ADAM10: variants seen among roughly 807,000 people sequenced by gnomAD.
The protein encoded by ADAM10 is disintegrin and metalloproteinase domain-containing protein 10.
In ADAM10, 17 loss-of-function variants were observed where a neutral mutation model predicts 90.1. That is an observed-to-expected ratio of 0.19 (90% CI 0.13 to 0.28). The LOEUF is 0.28. Ranked by LOEUF, ADAM10 falls within the 10% of genes least tolerant of loss-of-function variation. The pLI is 1.00. For missense variants in ADAM10, 610 were observed against 914.3 expected (o/e 0.67, Z 4.29); for synonymous variants, 310 against 298.6 (o/e 1.04, Z -0.40).
At position 58,633,117 on chromosome 15, in the gene ADAM10, G is replaced by A. The variant is rs1206254697; in HGVS notation, c.1176+79C>T. ...CACTCGTAAGTACATTTGTTTTCAC[G>A]GTGAATTTTAAATAAATCACTCAAC... On this transcript the variant is annotated intron_variant, in intron 9 of 15. Coordinates refer to ENST00000260408, the MANE Select transcript of ADAM10 (RefSeq NM_001110.4). 70 of 1,364,810 alleles carry A rather than the reference G, an allele frequency of 5.1e-5. No individual in the cohort carries two copies. In the Middle Eastern group the frequency reaches 7.3e-4, roughly 14 times the overall value. The allele number at this position is 1,364,810 out of a possible 1,614,324, so 84.5% of individuals were successfully genotyped here.
At chr15:58,725,401 G>A (rs1220035047) in intron 1 of ADAM10, among the ~76,000 whole-genome samples, 1 of 149,928 alleles carries the variant, frequency 6.7e-6, no homozygotes, top group Non-Finnish European at 1.5e-5. Flanking sequence ...AATTAGCCAG[G>A]AATACTTTTT....
intron 5 of ADAM10, among the ~76,000 whole-genome samples, chr15:58,647,248 A>AATTTTTTTTTTTTTTTT (rs1896571373): frequency 1.7e-5 from 1 of 59,602 alleles, no homozygotes; most frequent in Non-Finnish European, 3.6e-5. Flanking sequence ...GACACTAAGT[A>AATTTTTTTTTTTTTTTT]TTTTTTTTTT....
rs980026560 is a variant in ADAM10 at position 58,595,021 on chromosome 15, T to C, written c.*2526A>G. 6.6e-6 allele frequency: 1 copy of C among 152,130 alleles called. No individual in the cohort carries two copies. The highest frequency in any genetic ancestry group is 1.5e-5 in the Non-Finnish European group (1 of 67,990). 9.4% of individuals were successfully genotyped at this position (152,130 alleles called of 1,614,324 possible). A position where few individuals can be genotyped will look rare whatever the true frequency, so the allele number is the denominator to read the frequency against. On this transcript the variant is annotated 3_prime_UTR_variant, in exon 16 of 16. Coordinates refer to ENST00000260408, the MANE Select transcript of ADAM10 (RefSeq NM_001110.4). ...TTATTTGCTATGAAGAGAAAAATGA[T>C]GGCTCAAAATTTTAAACAAACTTAT... is the stretch of plus-strand genomic sequence containing the variant.
At chr15:58,680,594 T>C (rs902362657) in intron 3 of ADAM10, among the ~76,000 whole-genome samples, 1 of 152,174 alleles carries the variant, frequency 6.6e-6, no homozygotes, top group African/African-American at 2.4e-5. Context: ...TGGTTCTTAA[T>C]ATAATCACAA....
intron 11 of ADAM10, among the ~76,000 whole-genome samples, chr15:58,617,598 T>C (rs926203111): frequency 6.6e-5 from 10 of 152,060 alleles, no homozygotes; most frequent in African/African-American, 2.2e-4. Context: ...GACATCCAAA[T>C]TGGAAAGGAG....
At chr15:58,623,458 T>C (rs1305745639) in intron 10 of ADAM10, among the ~76,000 whole-genome samples, 1 of 152,184 alleles carries the variant, frequency 6.6e-6, no homozygotes, top group African/African-American at 2.4e-5. Context: ...TTTAAAATCT[T>C]GGAGGTCATC....
chr15:58,669,762 G>A (rs1361618349), intron 4 of ADAM10, among the ~76,000 whole-genome samples: 1 of 151,986 alleles, frequency 6.6e-6, no homozygotes, highest in African/African-American at 2.4e-5. Context: ...AACAAATCAT[G>A]GTATCCACAC....
At chr15:58,692,728 A>G (rs1897860357) in intron 2 of ADAM10, 1 of 574,762 alleles carries the variant, frequency 1.7e-6, no homozygotes, top group Non-Finnish European at 3.5e-6. Flanking sequence ...AGCAGAAGAT[A>G]CCCAGGAATA....
At chr15:58,632,120 C>T (rs7163733) in intron 9 of ADAM10, among the ~76,000 whole-genome samples, 29,749 of 152,006 alleles carry the variant, frequency 0.2, 3,334 homozygotes, top group East Asian at 0.4. Flanking sequence ...AAAATGTTAT[C>T]TTTAATAAGC....
intron 5 of ADAM10, among the ~76,000 whole-genome samples, chr15:58,647,641 T>G (rs1031921834): frequency 1.3e-5 from 2 of 152,110 alleles, no homozygotes; most frequent in African/African-American, 4.8e-5. Flanking sequence ...CTTAAACTCC[T>G]GGGCTCAAAC....
At chr15:58,619,425 C>A (rs1427600416) in intron 11 of ADAM10, among the ~76,000 whole-genome samples, 1 of 152,030 alleles carries the variant, frequency 6.6e-6, no homozygotes, top group Non-Finnish European at 1.5e-5. Flanking sequence ...AAAGTTACTA[C>A]AATTAGCAAT....
chr15:58,598,983 G>T (rs1277090410), intron 15 of ADAM10, among the ~76,000 whole-genome samples: 1 of 152,156 alleles, frequency 6.6e-6, no homozygotes, highest in African/African-American at 2.4e-5. Flanking sequence ...CACCCTGGGG[G>T]AAAATAAGCT....
intron 5 of ADAM10, among the ~76,000 whole-genome samples, chr15:58,663,525 T>C (rs74017264): frequency 0.051 from 7,711 of 152,256 alleles, 670 homozygotes; most frequent in African/African-American, 0.17. Flanking sequence ...CGTCTTTAAA[T>C]GGGCCCTACT....
At chr15:58,613,424 A>G (rs1418310868) in intron 11 of ADAM10, among the ~76,000 whole-genome samples, 1 of 152,184 alleles carries the variant, frequency 6.6e-6, no homozygotes, top group African/African-American at 2.4e-5. Flanking sequence ...TGACACCACC[A>G]AAGGAACATA....
At chr15:58,637,710 T>G (rs1341840048) in intron 8 of ADAM10, among the ~76,000 whole-genome samples, 1 of 151,152 alleles carries the variant, frequency 6.6e-6, no homozygotes, top group African/African-American at 2.4e-5. Flanking sequence ...GTGTGTAGAT[T>G]GTATTTATAT....
At chr15:58,723,155 T>C (rs1396003367) in intron 1 of ADAM10, among the ~76,000 whole-genome samples, 2 of 152,060 alleles carry the variant, frequency 1.3e-5, no homozygotes, top group African/African-American at 2.4e-5. Flanking sequence ...AATGAAAATG[T>C]AGGAAAGCAT....
At chr15:58,610,860 C>T in intron 13 of ADAM10, 139 bp downstream of exon 13, 2 of 723,708 alleles carry the variant, frequency 2.8e-6, no homozygotes, top group South Asian at 3.1e-5. Context: ...TGCTACGTTA[C>T]ATTTATAATC....
chr15:58,679,014 C>A, intron 4 of ADAM10, 110 bp downstream of exon 4: 1 of 1,103,812 alleles, frequency 9.1e-7, no homozygotes, highest in South Asian at 1.4e-5. Flanking sequence ...ATGTTCTAGC[C>A]TGATTAGTAA....
chr15:58,665,340 C>T, intron 4 of ADAM10, 143 bp from the exon 5 acceptor site: 2 of 705,432 alleles, frequency 2.8e-6, no homozygotes, highest in Non-Finnish European at 4.9e-6. Flanking sequence ...AGGCATTATG[C>T]TAGGCATTTT....
Sources: allele counts gnomAD v4.1 joint callset (sites outside exome capture counted in the v4.1 genomes callset), GRCh38; gene constraint gnomAD v4.1.1; transcripts MANE v1.5; gene names NCBI Gene and HGNC (gene_info 2026-07-23, HGNC 2026-07-21).